The following ALG9 variants were observed in gnomAD, a reference collection of about 807,000 sequenced individuals.
ALG9 encodes the protein alpha-1,2-mannosyltransferase ALG9.
Under a neutral mutation model 81.8 loss-of-function variants are expected in ALG9, and 55 were observed. The observed-to-expected ratio is 0.67, with a 90% CI of 0.54 to 0.84. The LOEUF (loss-of-function observed/expected upper bound fraction) is 0.84. Among genes scored for constraint, ALG9 ranks in the 40% least tolerant of loss-of-function variants. The pLI, the probability that ALG9 is intolerant of heterozygous loss-of-function variation, is 0.00. For synonymous variants in ALG9, 278 were observed against 274.3 expected, an observed-to-expected ratio of 1.01 and a Z score of -0.13; for missense variants, 629 against 745.0, an observed-to-expected ratio of 0.84 and a Z score of 1.81.
chr11:111,779,253 G>A (rs756045147), downstream of ALG9, among the ~76,000 whole-genome samples: 6 of 151,984 alleles, frequency 3.9e-5, no homozygotes, highest in Admixed American at 1.3e-4. Flanking sequence ...AAAAACGCAC[G>A]CCCTTCTCAT....
At chr11:111,871,137 C>T in intron 1 of ALG9, 1 of 1,265,098 alleles carries the variant, frequency 7.9e-7, no homozygotes, top group Non-Finnish European at 9.9e-7. Flanking sequence ...CACTCCAAGG[C>T]AGTTTTACAG....
At chr11:111,811,884 G>A (rs1950771991) in intron 13 of ALG9, among the ~76,000 whole-genome samples, 1 of 151,990 alleles carries the variant, frequency 6.6e-6, no homozygotes, top group Non-Finnish European at 1.5e-5. Context: ...TTTTTGGGGG[G>A]GAGGCATAAT....
intron 13 of ALG9, among the ~76,000 whole-genome samples, chr11:111,829,610 C>G (rs1953993961): frequency 6.6e-6 from 1 of 152,182 alleles, no homozygotes; most frequent in Admixed American, 6.5e-5. Context: ...ACTACACATT[C>G]TCAAAGGAAA....
At chr11:111,849,789 C>T (rs1957479213) in intron 8 of ALG9, 1 of 152,208 alleles carries the variant, frequency 6.6e-6, no homozygotes, top group Non-Finnish European at 1.5e-5. Flanking sequence ...CCATCCATGT[C>T]CCTGCAAAGG....
intron 14 of ALG9, among the ~76,000 whole-genome samples, chr11:111,793,256 A>C (rs1330935426): frequency 6.6e-6 from 1 of 152,218 alleles, no homozygotes; most frequent in Non-Finnish European, 1.5e-5. Flanking sequence ...TGCTAGGATT[A>C]CAGGTATGAG....
intron 14 of ALG9, 60 bp downstream of exon 14, chr11:111,809,583 T>C (rs1357020387): frequency 2.5e-6 from 4 of 1,605,426 alleles, no homozygotes; most frequent in Non-Finnish European, 1.7e-6. Context: ...TATATAATCC[T>C]AGAATCCAAT....
At chr11:111,861,188 T>C (rs1272137086) in intron 4 of ALG9, among the ~76,000 whole-genome samples, 3 of 152,236 alleles carry the variant, frequency 2.0e-5, no homozygotes, top group African/African-American at 7.2e-5. Context: ...TTTCTCAAAC[T>C]TAAGCAATTA....
the ALG9 span, among the ~76,000 whole-genome samples, chr11:111,774,894 G>C: frequency 6.6e-6 from 1 of 152,114 alleles, no homozygotes; most frequent in South Asian, 2.1e-4. Flanking sequence ...CCACAGGGTA[G>C]AGTCCAGATT....
chr11:111,798,535 T>A (rs45473498), intron 14 of ALG9, among the ~76,000 whole-genome samples: 4,157 of 152,308 alleles, frequency 0.027, 77 homozygotes, highest in Middle Eastern at 0.044. Context: ...AGAGTAGGCA[T>A]TACATCTGCC....
the ALG9 span, among the ~76,000 whole-genome samples, chr11:111,773,556 C>G: frequency 2.6e-5 from 4 of 151,720 alleles, no homozygotes; most frequent in Non-Finnish European, 5.9e-5. Context: ...TACGGAAAAC[C>G]TGAAGATAAA....
At chr11:111,850,644 T>G (rs936057312) in intron 8 of ALG9, among the ~76,000 whole-genome samples, 3 of 134,642 alleles carry the variant, frequency 2.2e-5, no homozygotes, top group African/African-American at 8.7e-5. Flanking sequence ...GAGGCAGAGG[T>G]TGCAGTGAGC....
In ALG9 at chr11:111,837,745, C is replaced by T. The variant is rs1372688663; in HGVS notation, c.1325-130G>A. On this transcript the variant is annotated intron_variant, in intron 11 of 14. Transcript: ENST00000616540. ...AAGGCAGGAAGGGCCATAGCCATTC[C>T]AGCATGAAGCCTGCTCTGCAGGTAT... 2.3e-5 allele frequency: 24 copies of T among 1,025,096 alleles called. 1 individual carries two copies. Among genetic ancestry groups the T allele is most frequent in the Non-Finnish European group, 2.9e-5 (20 of 679,538 alleles). 63.5% of individuals were successfully genotyped at this position (1,025,096 alleles called of 1,614,324 possible).
At chr11:111,859,743 CA>C (rs1566195881) in intron 5 of ALG9, among the ~76,000 whole-genome samples, 1 of 152,064 alleles carries the variant, frequency 6.6e-6, no homozygotes, top group Non-Finnish European at 1.5e-5. Context: ...TGCAGAACAA[CA>C]TCAATTTTGA....
intron 14 of ALG9, among the ~76,000 whole-genome samples, chr11:111,791,467 T>C (rs1186289156): frequency 1.3e-5 from 2 of 152,210 alleles, no homozygotes; most frequent in African/African-American, 2.4e-5. Context: ...AAGCAACTTG[T>C]CTAACCATAA....
the ALG9 span, among the ~76,000 whole-genome samples, chr11:111,774,067 A>AT: frequency 4.4e-5 from 5 of 114,178 alleles, no homozygotes; most frequent in Non-Finnish European, 1.8e-5. Flanking sequence ...GCCATATCTT[A>AT]TTAAAAAAAA....
At chr11:111,823,233 C>T (rs575170285) in intron 13 of ALG9, among the ~76,000 whole-genome samples, 2 of 152,192 alleles carry the variant, frequency 1.3e-5, no homozygotes, top group South Asian at 2.1e-4. Flanking sequence ...CACTAAGATC[C>T]CTCTCAACTC....
intron 6 of ALG9, among the ~76,000 whole-genome samples, chr11:111,856,262 G>A (rs1958651333): frequency 8.6e-6 from 1 of 116,720 alleles, no homozygotes; most frequent in East Asian, 2.4e-4. Flanking sequence ...GGGTGACAGA[G>A]CAAGACTCCA....
rs573172493 is a variant in ALG9, at chr11:111,839,541, C to T, written c.1173+1114G>A. Among the ~76,000 whole-genome samples the T allele has an allele frequency of 8.0e-5, 11 of 137,882 alleles. No homozygotes were observed. The East Asian group carries it at 2.1e-3, about 27-fold the overall frequency. The allele number at this position is 137,882 out of a possible 152,430, so 90.5% of individuals were successfully genotyped here. A position where few individuals can be genotyped will look rare whatever the true frequency, so the allele number is the denominator to read the frequency against. On this transcript the variant is annotated intron_variant, in intron 10 of 14. Coordinates refer to ENST00000616540, the MANE Select transcript of ALG9 (RefSeq NM_024740.2). ...CAGAGCTTGCAGTGAGCCGAGATTG[C>T]GCCACTGCACTCCATCCAGCCTGGG...
rs1963838281 is a variant in ALG9, at chr11:111,870,157, T to C, written c.270+75A>G. ...TACTAGGAGTCACACTTGTATATTA[T>C]TTGTCTCTCGATTGGTAATAACACC... On this transcript the variant is annotated intron_variant, in intron 2 of 14. Coordinates refer to ENST00000616540, the MANE Select transcript of ALG9 (RefSeq NM_024740.2). The C allele has an allele frequency of 2.7e-6, 4 of 1,484,732 alleles. No individual in the cohort carries two copies. The Admixed American group carries it at 9.0e-5, about 33-fold the overall frequency. 92.0% of individuals were successfully genotyped at this position (1,484,732 alleles called of 1,614,324 possible).
Sources: allele counts gnomAD v4.1 joint callset (sites outside exome capture counted in the v4.1 genomes callset), GRCh38; gene constraint gnomAD v4.1.1; transcripts MANE v1.5; gene names NCBI Gene and HGNC (gene_info 2026-07-23, HGNC 2026-07-21).